Variants in FOXP2 observed in about 807,000 individuals in gnomAD.
FOXP2 encodes forkhead box protein P2.
Under a neutral mutation model 115.8 loss-of-function variants are expected in FOXP2, and 12 were observed. The observed-to-expected ratio is 0.10, with a 90% CI of 0.07 to 0.17. The LOEUF (loss-of-function observed/expected upper bound fraction) is 0.17. Ranked by LOEUF, FOXP2 falls within the 10% of genes least tolerant of loss-of-function variation. The pLI, the probability that FOXP2 is intolerant of heterozygous loss-of-function variation, is 1.00. For missense variants in FOXP2, 629 were observed against 843.5 expected, an observed-to-expected ratio of 0.75 and a Z score of 3.15; for synonymous variants, 328 against 297.7, an observed-to-expected ratio of 1.10 and a Z score of -1.05.
Position 114,663,436 on chromosome 7 carries a change from AT to A in FOXP2, c.1770-4del, listed in dbSNP as rs398005923. 1,098 of 1,407,042 alleles carry A rather than the reference AT, an allele frequency of 7.8e-4. 8 individuals are homozygous for A. Among genetic ancestry groups the A allele is most frequent in the South Asian group, 6.7e-3 (561 of 84,026 alleles). 87.2% of individuals were successfully genotyped at this position (1,407,042 alleles called of 1,614,324 possible). A position where few individuals can be genotyped will look rare whatever the true frequency, so the allele number is the denominator to read the frequency against. On this transcript the variant is annotated splice_polypyrimidine_tract_variant and intron_variant, in intron 14 of 16. Coordinates refer to ENST00000350908, the MANE Select transcript of FOXP2 (RefSeq NM_014491.4). ...TTTGACGTATAAATGATCTTTATAT[AT>A]TTTTTTTTTCAGAAGTCCAACCTTA...
chr7:114,615,704 T>A (rs1459457720), intron 3 of FOXP2, among the ~76,000 whole-genome samples: 6 of 152,170 alleles, frequency 3.9e-5, no homozygotes, highest in African/African-American at 1.4e-4. Context: ...TAATGAGTGG[T>A]TTACTGTGGG....
chr7:114,373,615 G>A (rs1356001424), intron 2 of FOXP2, among the ~76,000 whole-genome samples: 1 of 152,124 alleles, frequency 6.6e-6, no homozygotes, highest in Non-Finnish European at 1.5e-5. Context: ...TCAGAAGTCT[G>A]GTATGCTCCA....
chr7:114,232,408 C>T (rs1390589723), intron 1 of FOXP2, among the ~76,000 whole-genome samples: 1 of 152,172 alleles, frequency 6.6e-6, no homozygotes, highest in African/African-American at 2.4e-5. Flanking sequence ...GAGATATTAG[C>T]ACTCACATGT....
At chr7:114,507,641 G>A (rs1261872689) in intron 2 of FOXP2, among the ~76,000 whole-genome samples, 1 of 151,880 alleles carries the variant, frequency 6.6e-6, no homozygotes, top group East Asian at 1.9e-4. Flanking sequence ...AATAATATTG[G>A]CTTGTCCTTT....
At chr7:114,112,481 T>G (rs1674077866) in intron 1 of FOXP2, among the ~76,000 whole-genome samples, 1 of 151,976 alleles carries the variant, frequency 6.6e-6, no homozygotes, top group Non-Finnish European at 1.5e-5. Context: ...GTGTTTTTTG[T>G]AGAGATGGGG....
intron 2 of FOXP2, among the ~76,000 whole-genome samples, chr7:114,400,100 C>T (rs1365077766): frequency 1.3e-5 from 2 of 152,012 alleles, no homozygotes; most frequent in African/African-American, 4.8e-5. Context: ...CCTCGTGATC[C>T]ACCCGCCTTG....
intron 1 of FOXP2, among the ~76,000 whole-genome samples, chr7:114,257,375 T>C (rs1795642061): frequency 6.6e-6 from 1 of 151,842 alleles, no homozygotes; most frequent in Admixed American, 6.6e-5. Context: ...ATTTAGGACA[T>C]AGGCACAGGC....
At chr7:114,539,667 T>A (rs1241873877) in intron 3 of FOXP2, among the ~76,000 whole-genome samples, 1 of 151,998 alleles carries the variant, frequency 6.6e-6, no homozygotes, top group African/African-American at 2.4e-5. Flanking sequence ...CAGCATGAAA[T>A]AGGCAAATTT....
At chr7:114,179,065 C>CCAAACCTT (rs1793389940) in intron 1 of FOXP2, among the ~76,000 whole-genome samples, 1 of 151,812 alleles carries the variant, frequency 6.6e-6, no homozygotes, top group Non-Finnish European at 1.5e-5. Context: ...CTTAACTTTT[C>CCAAACCTT]CAAACCTTTT....
chr7:114,262,685 G>A, intron 1 of FOXP2, among the ~76,000 whole-genome samples: 1 of 152,058 alleles, frequency 6.6e-6, no homozygotes, highest in East Asian at 1.9e-4. Context: ...AATCACATTT[G>A]GCTAGAACCT....
At chr7:114,286,930 T>A (rs1413781258) in intron 1 of FOXP2, among the ~76,000 whole-genome samples, 1 of 152,022 alleles carries the variant, frequency 6.6e-6, no homozygotes, top group East Asian at 1.9e-4. Flanking sequence ...TTAAAAGTGT[T>A]TAGAAATGAT....
intron 2 of FOXP2, among the ~76,000 whole-genome samples, chr7:114,405,227 T>C (rs745914660): frequency 2.0e-5 from 3 of 151,922 alleles, no homozygotes; most frequent in Non-Finnish European, 3.0e-5. Flanking sequence ...AAAACAGATA[T>C]GTAATTTGAA....
intron 2 of FOXP2, among the ~76,000 whole-genome samples, chr7:114,465,570 G>T (rs537388297): frequency 6.6e-6 from 1 of 152,240 alleles, no homozygotes; most frequent in East Asian, 1.9e-4. Flanking sequence ...TATTCTAAAG[G>T]GTTAGTAAAC....
At position 114,315,826 on chromosome 7, in the gene FOXP2, T is replaced by A. The variant is rs571447203; in HGVS notation, c.-11+27717T>A. Among the ~76,000 whole-genome samples, 27 of 152,300 alleles carry A rather than the reference T, an allele frequency of 1.8e-4. No individual in the cohort carries two copies. The South Asian group carries it at 5.6e-3, about 32-fold the overall frequency. On this transcript the variant is annotated intron_variant, in intron 2 of 17. Transcript: ENST00000634411. ...ATATATAACCTTGTGTTACGTGTAT[T>A]TCTGTTTTAAAAACACTGTATTTAG...
At chr7:114,187,039 T>C (rs1793625179) in intron 1 of FOXP2, among the ~76,000 whole-genome samples, 1 of 152,230 alleles carries the variant, frequency 6.6e-6, no homozygotes. Flanking sequence ...ATCTCCAAGA[T>C]GCTTTCAGGG....
chr7:114,588,275 C>T (rs1055577792), intron 3 of FOXP2, among the ~76,000 whole-genome samples: 17 of 151,890 alleles, frequency 1.1e-4, no homozygotes, highest in Non-Finnish European at 2.5e-4. Flanking sequence ...CCACTGCAAT[C>T]CAGCCTGGGC....
chr7:114,121,187 T>G (rs531618780), intron 1 of FOXP2, among the ~76,000 whole-genome samples: 2 of 152,110 alleles, frequency 1.3e-5, no homozygotes, highest in South Asian at 4.2e-4. Flanking sequence ...CCCTCGTGAA[T>G]GAGATGAGTG....
chr7:114,269,189 A>G (rs1795975702), intron 1 of FOXP2, among the ~76,000 whole-genome samples: 1 of 152,208 alleles, frequency 6.6e-6, no homozygotes, highest in South Asian at 2.1e-4. Flanking sequence ...ATGAAGGTAT[A>G]TAGCAGGAGG....
intron 3 of FOXP2, among the ~76,000 whole-genome samples, chr7:114,578,295 G>T (rs56838183): frequency 6.6e-6 from 1 of 151,854 alleles, no homozygotes; most frequent in Admixed American, 6.6e-5. Flanking sequence ...GAAGGGTTGC[G>T]CCCTGTTACT....
Sources: gnomAD v4.1 joint callset for allele counts (sites outside exome capture counted in the v4.1 genomes callset) on GRCh38, gnomAD v4.1.1 for gene constraint, MANE v1.5 for transcripts, NCBI Gene and HGNC (gene_info 2026-07-23, HGNC 2026-07-21) for gene names.